UGT2A1: variants seen among roughly 807,000 people sequenced by gnomAD.
The protein encoded by UGT2A1 is UDP glucuronosyltransferase family 2 member A1 complex locus.
Under a neutral mutation model 45.4 loss-of-function variants are expected in UGT2A1, and 61 were observed. The ratio of observed to expected loss-of-function variants is 1.34; its 90% CI spans 1.09 to 1.66. UGT2A1 has a LOEUF of 1.66. UGT2A1 is among the 40% of genes most tolerant of loss of function. The pLI, the probability that UGT2A1 is intolerant of heterozygous loss-of-function variation, is 0.00. For synonymous variants in UGT2A1, 229 were observed against 196.2 expected, an observed-to-expected ratio of 1.17 and a Z score of -1.40; for missense variants, 649 against 574.3, an observed-to-expected ratio of 1.13 and a Z score of -1.33.
At chr4:69,603,065 T>TA (rs1271616285) in intron 3 of UGT2A1, among the ~76,000 whole-genome samples, 2 of 133,780 alleles carry the variant, frequency 1.5e-5, no homozygotes, top group East Asian at 2.1e-4. Flanking sequence ...AGACTCCATC[T>TA]AAAAAAAATA....
intron 3 of UGT2A1, among the ~76,000 whole-genome samples, chr4:69,610,006 A>T (rs1719937927): frequency 6.6e-6 from 1 of 152,188 alleles, no homozygotes; most frequent in Non-Finnish European, 1.5e-5. Flanking sequence ...ATAACATATA[A>T]CTAGCAGACC....
chr4:69,648,530 A>G (rs1399546784), intron 1 of UGT2A1, among the ~76,000 whole-genome samples: 4 of 151,964 alleles, frequency 2.6e-5, no homozygotes, highest in Admixed American at 6.6e-5. Context: ...GTTATGTCAG[A>G]CATTACGCAA....
intron 3 of UGT2A1, among the ~76,000 whole-genome samples, chr4:69,622,855 G>A (rs1720829353): frequency 6.6e-6 from 1 of 151,694 alleles, no homozygotes; most frequent in Admixed American, 6.6e-5. Context: ...CTTCGGTGTA[G>A]GACATTTCCT....
At chr4:69,646,773 A>G (rs1385616505) in intron 2 of UGT2A1, among the ~76,000 whole-genome samples, 157 bp downstream of exon 2, 1 of 151,906 alleles carries the variant, frequency 6.6e-6, no homozygotes, top group Non-Finnish European at 1.5e-5. Context: ...TCTGAAGTAC[A>G]ATGTCTTTTA....
chr4:69,597,431 C>T (rs1718993405), intron 4 of UGT2A1, among the ~76,000 whole-genome samples: 1 of 152,122 alleles, frequency 6.6e-6, no homozygotes, highest in South Asian at 2.1e-4. Context: ...GCAAATTTGA[C>T]ACTGCAAAAT....
intron 2 of UGT2A1, among the ~76,000 whole-genome samples, chr4:69,642,488 A>G (rs1722091328): frequency 6.6e-6 from 1 of 151,840 alleles, no homozygotes; most frequent in Non-Finnish European, 1.5e-5. Flanking sequence ...GTATTATTCT[A>G]CAGGAAAAGA....
chr4:69,621,268 C>T (rs1471075599), intron 3 of UGT2A1, among the ~76,000 whole-genome samples: 1 of 151,886 alleles, frequency 6.6e-6, no homozygotes, highest in Non-Finnish European at 1.5e-5. Context: ...GATCTAATAT[C>T]CAGTATTTAC....
chr4:69,638,804 T>A (rs1721869447), intron 2 of UGT2A1: 1 of 1,400,728 alleles, frequency 7.1e-7, no homozygotes, highest in East Asian at 2.5e-5. Context: ...TATCTTCAGC[T>A]CAGCATATGC....
At chr4:69,590,907 T>C (rs2109872617) in intron 6 of UGT2A1, among the ~76,000 whole-genome samples, 1 of 152,304 alleles carries the variant, frequency 6.6e-6, no homozygotes, top group African/African-American at 2.4e-5. Context: ...ATTACAATGG[T>C]CTATTCAAAT....
intron 3 of UGT2A1, among the ~76,000 whole-genome samples, chr4:69,612,458 G>A (rs560432668): frequency 9.2e-5 from 14 of 151,948 alleles, no homozygotes; most frequent in South Asian, 2.1e-4. Flanking sequence ...GAACTAAGCC[G>A]AAAGCACCAT....
In UGT2A1 at chr4:69,589,423, C is replaced by T. The variant is rs1251194557; in HGVS notation, c.1533G>A (p.Leu511=). The T allele has an allele frequency of 6.2e-7, 1 of 1,613,508 alleles. No homozygotes were observed. ...TAIFLVIQCC[L]FSCQKFGKIG... ...TCTTACCAAATTTTTGACAGGAAAA[C>T]AAACAACATTGTATGACCAAAAATA... The change falls in exon 7 of 7, where the codon TTG becomes TTA. Residue 511 remains leucine, a synonymous_variant. Coordinates refer to ENST00000286604, the MANE Select transcript of UGT2A1 (RefSeq NM_001252275.3).
chr4:69,642,757 T>C (rs1270977600), intron 2 of UGT2A1, among the ~76,000 whole-genome samples: 1 of 151,582 alleles, frequency 6.6e-6, no homozygotes, highest in Non-Finnish European at 1.5e-5. Flanking sequence ...TATTCATATA[T>C]AATGTTATGT....
chr4:69,636,657 G>A lies in UGT2A1; in HGVS notation c.716-835C>T, dbSNP rs1008589555. ...ACATACCAGAAACCATTTATTTTTT[G>A]TAGATTTTTTTGGCTACTTTCCATT... On this transcript the variant is annotated intron_variant, in intron 2 of 6. Coordinates refer to ENST00000286604, the MANE Select transcript of UGT2A1 (RefSeq NM_001252275.3). 4.6e-5 allele frequency among the ~76,000 whole-genome samples: 7 copies of A among 152,110 alleles called. No homozygotes were observed. In the South Asian group the frequency reaches 1.5e-3, roughly 32 times the overall value.
At position 69,589,508 on chromosome 4, in the gene UGT2A1, C is replaced by CAGGTGAGG; in HGVS notation, c.1440_1447dup (p.Trp483SerfsTer12). ...TACATCCAAAGAGTGGTACTGGAACCAGGTGAGGTCATGGGCTGCAACCCG... is the reference window on the plus strand; with the variant it reads ...TACATCCAAAGAGTGGTACTGGAACCAGGTGAGGAGGTGAGGTCATGGGCTGCAACCCG... On this transcript the variant is annotated frameshift_variant, in exon 7 of 7. Coordinates refer to ENST00000286604, the MANE Select transcript of UGT2A1 (RefSeq NM_001252275.3). LOFTEE classifies it high-confidence loss of function. The CAGGTGAGG allele has an allele frequency of 1.2e-6, 2 of 1,614,056 alleles. No individual in the cohort carries two copies. Among genetic ancestry groups the CAGGTGAGG allele is most frequent in the Non-Finnish European group, 8.5e-7 (1 of 1,179,998 alleles).
intron 3 of UGT2A1, among the ~76,000 whole-genome samples, chr4:69,627,103 G>A (rs533663588): frequency 6.6e-6 from 1 of 151,912 alleles, no homozygotes; most frequent in African/African-American, 2.4e-5. Flanking sequence ...AATGGACAAA[G>A]AGAGAAAATA....
At chr4:69,628,080 G>A (rs1206335088) in intron 3 of UGT2A1, among the ~76,000 whole-genome samples, 1 of 151,846 alleles carries the variant, frequency 6.6e-6, no homozygotes, top group Non-Finnish European at 1.5e-5. Flanking sequence ...TTATTGCCAA[G>A]GTCAATGTCA....
intron 3 of UGT2A1, among the ~76,000 whole-genome samples, chr4:69,630,348 CT>C (rs1438164624): frequency 6.6e-6 from 1 of 152,004 alleles, no homozygotes; most frequent in Admixed American, 6.6e-5. Context: ...CGTCTTTACT[CT>C]TTATAACTCC....
At position 69,647,632 on chromosome 4, in the gene UGT2A1, G is replaced by T. The variant is rs370540509; in HGVS notation, c.13C>A (p.Leu5Ile). 3.8e-6 allele frequency: 6 copies of T among 1,574,704 alleles called. No individual in the cohort carries two copies. In the African/African-American group the frequency reaches 8.2e-5, roughly 21 times the overall value. ...CTTATCTGAAGGGAGAACAGCAGAA[G>T]GTTGTTTAACATGATGTGGCTTGAT... MLNN[L>I]LLFSLQISLI... Residue 5 changes from leucine (L) to isoleucine (I), a missense_variant, in exon 2 of 7, where the codon CTT becomes ATT. By Grantham distance (5) the Leu-to-Ile change is conservative. Transcript: ENST00000286604.
At chr4:69,641,467 G>A (rs1578004986) in intron 2 of UGT2A1, among the ~76,000 whole-genome samples, 1 of 151,730 alleles carries the variant, frequency 6.6e-6, no homozygotes, top group African/African-American at 2.4e-5. Context: ...GCACCTGATG[G>A]CTAGGATTCA....
Sources: gnomAD v4.1 joint callset for allele counts (sites outside exome capture counted in the v4.1 genomes callset) on GRCh38, gnomAD v4.1.1 for gene constraint, MANE v1.5 for transcripts, NCBI Gene and HGNC (gene_info 2026-07-23, HGNC 2026-07-21) for gene names.